The following ACVR1C variants were observed in gnomAD, a reference collection of about 807,000 sequenced individuals.
ACVR1C encodes the protein activin receptor type-1C.
In ACVR1C, 23 loss-of-function variants were observed where a neutral mutation model predicts 57.9. The ratio of observed to expected loss-of-function variants is 0.40; its 90% CI spans 0.29 to 0.56. The LOEUF (loss-of-function observed/expected upper bound fraction) is 0.56, where lower values mean the gene tolerates loss of function less well. Among genes scored for constraint, ACVR1C ranks in the 20% least tolerant of loss-of-function variants. The pLI is 0.50. For synonymous variants in ACVR1C, 214 were observed against 215.3 expected (o/e 0.99, Z 0.05); for missense variants, 480 against 607.9 (o/e 0.79, Z 2.21).
intron 1 of ACVR1C, among the ~76,000 whole-genome samples, chr2:157,615,086 C>A (rs1033827074): frequency 1.3e-5 from 2 of 152,128 alleles, no homozygotes; most frequent in South Asian, 2.1e-4. Flanking sequence ...ATTTTACCCT[C>A]ATGCTTTTGG....
Position 157,544,521 on chromosome 2 carries a change from C to A in ACVR1C, c.867G>T (p.Val289=), listed in dbSNP as rs2105209940. 1.2e-6 allele frequency: 2 copies of A among 1,614,070 alleles called. No homozygotes were observed. The highest frequency in any genetic ancestry group is 2.2e-5 in the South Asian group (2 of 91,082). Residue 289 remains valine, a synonymous_variant, in exon 5 of 9, where the codon GTG becomes GTT. Transcript: ENST00000243349. The part of the protein sequence containing the change: ...YDYLNRNIVT[V]AGMIKLALSI... ...AGAGCGCCAGCTTGATCATTCCAGC[C>A]ACGGTCACTATATTTCTATTCAAAT...
At chr2:157,587,988 G>A (rs188960540) in intron 1 of ACVR1C, among the ~76,000 whole-genome samples, 18 of 151,926 alleles carry the variant, frequency 1.2e-4, no homozygotes, top group South Asian at 2.1e-4. Flanking sequence ...TGTTATTGTC[G>A]TAGTTCCTTT....
rs1047641956 is a variant in ACVR1C, at chr2:157,628,638, G to A, written c.7C>T (p.Arg3Trp). 1 of 1,583,212 alleles carries A rather than the reference G, an allele frequency of 6.3e-7. No individual in the cohort carries two copies. The highest frequency in any genetic ancestry group is 8.6e-7 in the Non-Finnish European group (1 of 1,166,314). ...TGGCGGAGCGCTGAGCAGAGCGCCC[G>A]GGTCATCGCCACCAGGCGGCCGCGC... The part of the protein sequence containing the change: MT[R>W]ALCSALRQAL... The change falls in exon 1 of 9, where the codon CGG (arginine) becomes TGG (tryptophan). Residue 3 changes from arginine (R) to tryptophan (W), a missense_variant. By Grantham distance (101) the Arg-to-Trp change is moderately radical. Coordinates refer to ENST00000243349, the MANE Select transcript of ACVR1C (RefSeq NM_145259.3).
intron 2 of ACVR1C, among the ~76,000 whole-genome samples, chr2:157,586,686 T>A (rs1558987824): frequency 6.6e-6 from 1 of 152,108 alleles, no homozygotes. Flanking sequence ...TCTGCCTCTA[T>A]CTCTCTGGGG....
At chr2:157,601,084 G>A (rs1682268697) in intron 1 of ACVR1C, among the ~76,000 whole-genome samples, 1 of 152,126 alleles carries the variant, frequency 6.6e-6, no homozygotes, top group Non-Finnish European at 1.5e-5. Flanking sequence ...TTGGGAGGCT[G>A]AGGCAGGTGG....
intron 1 of ACVR1C, among the ~76,000 whole-genome samples, chr2:157,627,569 A>T (rs2105164241): frequency 6.6e-6 from 1 of 152,364 alleles, no homozygotes; most frequent in South Asian, 2.1e-4. Flanking sequence ...ACTAAGAGGA[A>T]AACGACCCAC....
At chr2:157,604,492 G>T (rs573008535) in intron 1 of ACVR1C, among the ~76,000 whole-genome samples, 1 of 151,656 alleles carries the variant, frequency 6.6e-6, no homozygotes, top group African/African-American at 2.4e-5. Context: ...AAGGACATTT[G>T]GTTTTTTCCC....
intron 3 of ACVR1C, among the ~76,000 whole-genome samples, chr2:157,554,981 G>A (rs1027582310): frequency 1.3e-5 from 2 of 150,740 alleles, no homozygotes; most frequent in African/African-American, 4.9e-5. Context: ...CCCCCACTCC[G>A]CCAACCTCCT....
chr2:157,599,314 CAAAAAAAAAAAAAAAAAAAAAAAA>C (rs60182304), intron 1 of ACVR1C, among the ~76,000 whole-genome samples: 4 of 40,608 alleles, frequency 9.9e-5, no homozygotes, highest in Middle Eastern at 0.024. Flanking sequence ...AGCCTGGGCT[CAAAAAAAAAAAAAAAAAAAAAAAA>C]AAAAAAAAAA....
At chr2:157,589,056 G>A (rs1689000407) in intron 1 of ACVR1C, among the ~76,000 whole-genome samples, 1 of 151,248 alleles carries the variant, frequency 6.6e-6, no homozygotes, top group South Asian at 2.1e-4. Flanking sequence ...CCCAATTGTG[G>A]GATTGCTGGA....
intron 3 of ACVR1C, 130 bp downstream of exon 3, chr2:157,555,963 T>C: frequency 7.2e-6 from 8 of 1,109,734 alleles, no homozygotes; most frequent in Non-Finnish European, 1.0e-5. Context: ...GGAGTTCCTA[T>C]ACCAGAGCTC....
intron 2 of ACVR1C, among the ~76,000 whole-genome samples, chr2:157,563,723 A>C (rs572191206): frequency 6.6e-6 from 1 of 152,376 alleles, no homozygotes; most frequent in South Asian, 2.1e-4. Context: ...ACTATACTGC[A>C]AGGCTACAGT....
chr2:157,532,985 G>C lies in ACVR1C; in HGVS notation c.*933C>G, dbSNP rs1479383034. 1 of 152,106 alleles carries C rather than the reference G, an allele frequency of 6.6e-6. No homozygotes were observed. The highest frequency in any genetic ancestry group is 1.5e-5 in the Non-Finnish European group (1 of 68,012). 9.4% of individuals were successfully genotyped at this position (152,106 alleles called of 1,614,324 possible). On this transcript the variant is annotated 3_prime_UTR_variant, in exon 9 of 9. Transcript: ENST00000243349. ...ACATTAATGCTCATTAACAAATGGGGTAACCATGATATTTCTATGAGAAAA... is the reference window on the plus strand; with the variant it reads ...ACATTAATGCTCATTAACAAATGGGCTAACCATGATATTTCTATGAGAAAA...
chr2:157,587,061 A>C, intron 2 of ACVR1C, 126 bp downstream of exon 2: 1 of 912,052 alleles, frequency 1.1e-6, no homozygotes, highest in South Asian at 1.9e-5. Context: ...ACCAGCCAAA[A>C]TCAAAAAGAG....
At chr2:157,576,844 T>TAC (rs1317506551) in intron 2 of ACVR1C, among the ~76,000 whole-genome samples, 1 of 34,578 alleles carries the variant, frequency 2.9e-5, no homozygotes, top group Non-Finnish European at 6.2e-5. Context: ...TCTTTTTTTT[T>TAC]TTTTTTTTTT....
At chr2:157,606,071 G>A (rs2105144013) in intron 1 of ACVR1C, among the ~76,000 whole-genome samples, 1 of 151,580 alleles carries the variant, frequency 6.6e-6, no homozygotes, top group Non-Finnish European at 1.5e-5. Flanking sequence ...TTCTGTACTT[G>A]GCTTATTGCA....
intron 1 of ACVR1C, among the ~76,000 whole-genome samples, chr2:157,628,323 G>A (rs1314664339): frequency 6.6e-6 from 1 of 151,864 alleles, no homozygotes; most frequent in East Asian, 1.9e-4. Context: ...ATTCCCCCAC[G>A]TCCCTGCTGC....
Position 157,533,677 on chromosome 2 carries a change from A to C in ACVR1C, c.*241T>G. On this transcript the variant is annotated 3_prime_UTR_variant, in exon 9 of 9. Coordinates refer to ENST00000243349, the MANE Select transcript of ACVR1C (RefSeq NM_145259.3). ...TAATATATTTCTTCCTTATTAAATA[A>C]AAAGATGAGTTGAGGTGTTGCTTTC... The C allele has an allele frequency of 3.9e-6, 1 of 253,380 alleles. No homozygotes were observed. Among genetic ancestry groups the C allele is most frequent in the Non-Finnish European group, 7.4e-6 (1 of 135,416 alleles). 15.7% of individuals were successfully genotyped at this position (253,380 alleles called of 1,614,324 possible). A position where few individuals can be genotyped will look rare whatever the true frequency, so the allele number is the denominator to read the frequency against.
At chr2:157,562,981 T>C (rs1688277936) in intron 2 of ACVR1C, among the ~76,000 whole-genome samples, 1 of 152,014 alleles carries the variant, frequency 6.6e-6, no homozygotes, top group African/African-American at 2.4e-5. Flanking sequence ...AAAATAATAA[T>C]AGCTATTTAT....
Sources: allele counts gnomAD v4.1 joint callset (sites outside exome capture counted in the v4.1 genomes callset), GRCh38; gene constraint gnomAD v4.1.1; transcripts MANE v1.5; gene names NCBI Gene and HGNC (gene_info 2026-07-23, HGNC 2026-07-21).